Variants in CACNA2D3 observed in about 807,000 individuals in gnomAD.
CACNA2D3 encodes voltage-dependent calcium channel subunit alpha-2/delta-3.
Under a neutral mutation model 160.6 loss-of-function variants are expected in CACNA2D3, and 60 were observed. That is an observed-to-expected ratio of 0.37 (90% confidence interval 0.30 to 0.46). The LOEUF is 0.46. CACNA2D3 is among the 20% of genes least tolerant of loss of function. CACNA2D3 has a pLI of 1.00. For synonymous variants in CACNA2D3, 558 were observed against 492.9 expected (o/e 1.13, Z -1.75); for missense variants, 1,205 against 1,365.0 (o/e 0.88, Z 1.85).
chr3:54,379,960 T>C (rs561553147), intron 3 of CACNA2D3, among the ~76,000 whole-genome samples: 1 of 152,322 alleles, frequency 6.6e-6, no homozygotes, highest in South Asian at 2.1e-4. Context: ...GAAATACTCG[T>C]CTAATTGCTC....
At chr3:54,379,065 T>C (rs1381428417) in intron 3 of CACNA2D3, among the ~76,000 whole-genome samples, 4 of 152,238 alleles carry the variant, frequency 2.6e-5, no homozygotes, top group African/African-American at 9.6e-5. Flanking sequence ...TGTAGCCTTA[T>C]ACAATCTGAA....
rs62967361 is a variant in CACNA2D3, at chr3:54,386,694, G to GTTTTTTT, written c.322-9_322-3dup. ...ATTCTGATCCTTAATGCTGTCTTCT[G>GTTTTTTT]TTTTTTTTTTTTTTTTTTAGCGTCT... On this transcript the variant is annotated intron_variant, in intron 3 of 37. Transcript: ENST00000474759. The GTTTTTTT allele has an allele frequency of 2.6e-4, 366 of 1,407,814 alleles. 3 individuals carry two copies. The highest frequency in any genetic ancestry group is 8.5e-4 in the African/African-American group (54 of 63,602). The allele number at this position is 1,407,814 out of a possible 1,614,324, so 87.2% of individuals were successfully genotyped here.
intron 29 of CACNA2D3, 82 bp from the exon 30 acceptor site, chr3:54,984,526 G>A: frequency 1.3e-6 from 1 of 778,406 alleles, no homozygotes; most frequent in Non-Finnish European, 2.1e-6. Context: ...AAGGTTGGAA[G>A]TGTGTCATTC....
At position 54,896,892 on chromosome 3, in the gene CACNA2D3, G is replaced by A. The variant is rs748270485; in HGVS notation, c.2368+22G>A. 7.4e-6 allele frequency: 12 copies of A among 1,613,570 alleles called. No homozygotes were observed. In the Admixed American group the frequency reaches 8.3e-5, roughly 11 times the overall value. Reference sequence around the variant, plus strand: ...ACTGGTGGGTGCCCTTGTTGGAGGCGGGCTCTGTCTGTCTGGTCCAGTGGG... The same window carrying A: ...ACTGGTGGGTGCCCTTGTTGGAGGCAGGCTCTGTCTGTCTGGTCCAGTGGG... On this transcript the variant is annotated intron_variant, in intron 26 of 37. Transcript: ENST00000474759.
chr3:55,056,515 T>A (rs966501100), intron 35 of CACNA2D3, among the ~76,000 whole-genome samples: 4 of 152,234 alleles, frequency 2.6e-5, no homozygotes, highest in African/African-American at 9.6e-5. Context: ...CCATCTTTAC[T>A]GCAGCACTTT....
chr3:54,720,541 T>C (rs1471380511), intron 11 of CACNA2D3, among the ~76,000 whole-genome samples: 2 of 152,054 alleles, frequency 1.3e-5, no homozygotes, highest in Non-Finnish European at 2.9e-5. Flanking sequence ...TTAATGATCC[T>C]TGAGCACTTG....
intron 9 of CACNA2D3, among the ~76,000 whole-genome samples, chr3:54,622,596 T>A (rs1004443303): frequency 1.5e-5 from 2 of 135,600 alleles, no homozygotes; most frequent in Non-Finnish European, 3.1e-5. Flanking sequence ...TTTTTTTTTT[T>A]TAAATCAGAG....
chr3:54,437,056 A>T (rs2106785910), intron 4 of CACNA2D3, among the ~76,000 whole-genome samples: 1 of 152,308 alleles, frequency 6.6e-6, no homozygotes, highest in Non-Finnish European at 1.5e-5. Context: ...TCACACCTAG[A>T]GCAACCACTA....
intron 5 of CACNA2D3, among the ~76,000 whole-genome samples, chr3:54,543,637 G>A (rs1002617559): frequency 6.6e-6 from 1 of 152,354 alleles, no homozygotes; most frequent in East Asian, 1.9e-4. Flanking sequence ...GGTGGCCAGT[G>A]TGACAGCACA....
At chr3:54,542,207 A>C (rs7615647) in intron 5 of CACNA2D3, among the ~76,000 whole-genome samples, 1 of 151,828 alleles carries the variant, frequency 6.6e-6, no homozygotes, top group Non-Finnish European at 1.5e-5. Context: ...GATTACAGGC[A>C]CGTACCACCA....
chr3:54,785,591 ACAAG>A (rs1261668358), intron 13 of CACNA2D3, among the ~76,000 whole-genome samples: 3 of 152,212 alleles, frequency 2.0e-5, no homozygotes, highest in Admixed American at 6.5e-5. Context: ...TACCTAAATG[ACAAG>A]CAAAATACAT....
chr3:54,456,844 A>C (rs1262420432), intron 4 of CACNA2D3, among the ~76,000 whole-genome samples: 1 of 151,938 alleles, frequency 6.6e-6, no homozygotes, highest in Non-Finnish European at 1.5e-5. Context: ...GTATGTGTCC[A>C]GGAATTTATC....
chr3:54,610,518 G>C (rs892212659), intron 9 of CACNA2D3, among the ~76,000 whole-genome samples: 2 of 151,892 alleles, frequency 1.3e-5, no homozygotes, highest in Non-Finnish European at 2.9e-5. Context: ...GGGTGTTAAT[G>C]CAGGTTTGTT....
chr3:54,643,334 C>T (rs892098665), intron 11 of CACNA2D3, among the ~76,000 whole-genome samples: 2 of 152,156 alleles, frequency 1.3e-5, no homozygotes, highest in Non-Finnish European at 2.9e-5. Flanking sequence ...TGGTCCACAC[C>T]TATCACTGCC....
At chr3:54,125,242 T>TTTACACACAC (rs150112508) in intron 2 of CACNA2D3, among the ~76,000 whole-genome samples, 1 of 147,944 alleles carries the variant, frequency 6.8e-6, no homozygotes, top group Admixed American at 6.7e-5. Flanking sequence ...TCTTTGAAGT[T>TTTACACACAC]ACACACACAC....
At chr3:54,571,210 G>A (rs1264105942) in intron 8 of CACNA2D3, among the ~76,000 whole-genome samples, 1 of 152,152 alleles carries the variant, frequency 6.6e-6, no homozygotes, top group Non-Finnish European at 1.5e-5. Flanking sequence ...ATAAAGGATG[G>A]TGGAGGCCCG....
rs746787474 is a variant in CACNA2D3 at position 54,894,622 on chromosome 3, G to A, written c.2247-2127G>A. The A allele has an allele frequency of 7.8e-6, 4 of 516,010 alleles. No individual in the cohort carries two copies. In the Admixed American group the frequency reaches 7.8e-5, roughly 10 times the overall value. 32.0% of individuals were successfully genotyped at this position (516,010 alleles called of 1,614,324 possible). On this transcript the variant is annotated intron_variant, in intron 25 of 37. Coordinates refer to ENST00000474759, the MANE Select transcript of CACNA2D3 (RefSeq NM_018398.3). ...TGACCACTGAACAGACCTGCTGGGA[G>A]TGCGAACACCTTCTGCTCAGTCGTG... is the stretch of plus-strand genomic sequence containing the variant.
At chr3:54,692,807 T>A (rs1189257726) in intron 11 of CACNA2D3, among the ~76,000 whole-genome samples, 1 of 152,214 alleles carries the variant, frequency 6.6e-6, no homozygotes, top group African/African-American at 2.4e-5. Flanking sequence ...GAAAGAATGC[T>A]TGTATTCTAC....
chr3:54,764,163 A>G lies in CACNA2D3; in HGVS notation c.1247-55A>G, dbSNP rs1381695179. On this transcript the variant is annotated intron_variant, in intron 12 of 37. Transcript: ENST00000474759. ...GAAGGCATGGCATATGCATATTCCC[A>G]GTTGCAAGTCTTTCTGTCTGTTACT... 3.7e-6 allele frequency: 6 copies of G among 1,600,782 alleles called. No individual in the cohort carries two copies. In the African/African-American group the frequency reaches 4.0e-5, roughly 11 times the overall value.
Sources: allele counts gnomAD v4.1 joint callset (sites outside exome capture counted in the v4.1 genomes callset), GRCh38; gene constraint gnomAD v4.1.1; transcripts MANE v1.5; gene names NCBI Gene and HGNC (gene_info 2026-07-23, HGNC 2026-07-21).